The following ROBO2 variants were observed in gnomAD, a reference collection of about 807,000 sequenced individuals.
The protein encoded by ROBO2 is roundabout guidance receptor 2.
In ROBO2, 53 loss-of-function variants were observed where a neutral mutation model predicts 160.8. The ratio of observed to expected loss-of-function variants is 0.33; its 90% confidence interval spans 0.26 to 0.41. The LOEUF is 0.41. Among genes scored for constraint, ROBO2 ranks in the 10% least tolerant of loss-of-function variants. The probability of loss-of-function intolerance (pLI) is 1.00; values close to 1 mark genes in which losing one functional copy is unlikely to be tolerated. For synonymous variants in ROBO2, 664 were observed against 611.7 expected, an observed-to-expected ratio of 1.09 and a Z score of -1.26; for missense variants, 1,577 against 1,722.4, an observed-to-expected ratio of 0.92 and a Z score of 1.49.
chr3:77,501,114 G>T (rs11921637), intron 5 of ROBO2, among the ~76,000 whole-genome samples: 4,732 of 152,188 alleles, frequency 0.031, 238 homozygotes, highest in African/African-American at 0.11. Flanking sequence ...TCAAAGTGTG[G>T]TTGTTAGAGC....
chr3:76,529,394 G>A (rs2108025672), intron 2 of ROBO2, among the ~76,000 whole-genome samples: 1 of 152,146 alleles, frequency 6.6e-6, no homozygotes, highest in Non-Finnish European at 1.5e-5. Context: ...TAAGTGAGAG[G>A]CAATGATGGT....
intron 2 of ROBO2, among the ~76,000 whole-genome samples, chr3:76,466,971 TA>T (rs1436143171): frequency 6.6e-6 from 1 of 152,066 alleles, no homozygotes; most frequent in Non-Finnish European, 1.5e-5. Flanking sequence ...GATGACATTT[TA>T]ATAGATAAAA....
chr3:76,973,120 G>A (rs1179179796), intron 2 of ROBO2, among the ~76,000 whole-genome samples: 2 of 152,164 alleles, frequency 1.3e-5, no homozygotes, highest in African/African-American at 2.4e-5. Context: ...GGCCCCAGAA[G>A]GAAGATAAGC....
rs116075601 is a variant in ROBO2, at chr3:77,163,258, A to G, written c.388+64918A>G. ...GTCTATCAGCTTTTAAAATGTATAT[A>G]GTTAAAGGATTCCTCTTGCCATCTA... On this transcript the variant is annotated intron_variant, in intron 2 of 25. Transcript: ENST00000461745. 7.5e-3 allele frequency among the ~76,000 whole-genome samples: 1,136 copies of G among 152,372 alleles called. 8 individuals are homozygous for G. Among genetic ancestry groups the G allele is most frequent in the South Asian group, 0.027 (130 of 4,834 alleles).
rs575546392 is a variant in ROBO2, at chr3:76,214,620, C to T, written c.109+277018C>T. On this transcript the variant is annotated intron_variant, in intron 2 of 26. Coordinates refer to the ROBO2 transcript ENST00000487694. The stretch of plus-strand genomic sequence containing the variant: ...GGCAGCAGCAAGGCTGGGGGAAGGG[C>T]GTCCGCCATTGCTGAGGCTTGAGTA... Among the ~76,000 whole-genome samples the T allele has an allele frequency of 2.9e-3, 440 of 152,300 alleles. 2 individuals carry two copies. The highest frequency in any genetic ancestry group is 0.01 in the African/African-American group (421 of 41,560).
intron 2 of ROBO2, among the ~76,000 whole-genome samples, chr3:77,476,026 C>CA (rs2083953395): frequency 6.6e-6 from 1 of 152,116 alleles, no homozygotes; most frequent in African/African-American, 2.4e-5. Context: ...CAATAAGAGA[C>CA]AAGGTGCTCT....
At chr3:75,986,152 C>T (rs1258307182) in intron 2 of ROBO2, among the ~76,000 whole-genome samples, 1 of 151,578 alleles carries the variant, frequency 6.6e-6, no homozygotes, top group African/African-American at 2.4e-5. Flanking sequence ...TTTACATCCT[C>T]ACCAACAGTG....
chr3:76,867,831 C>G (rs1255912110), intron 2 of ROBO2, among the ~76,000 whole-genome samples: 1 of 152,128 alleles, frequency 6.6e-6, no homozygotes, highest in East Asian at 1.9e-4. Context: ...TAAGAGAGAA[C>G]ATTGTTTTCT....
chr3:76,384,850 TA>T (rs2076805154), intron 2 of ROBO2, among the ~76,000 whole-genome samples: 1 of 152,176 alleles, frequency 6.6e-6, no homozygotes, highest in Non-Finnish European at 1.5e-5. Context: ...ACGTGAGGAT[TA>T]GGGGAACTAC....
intron 2 of ROBO2, among the ~76,000 whole-genome samples, chr3:77,392,375 G>A (rs2074825402): frequency 6.6e-6 from 1 of 152,196 alleles, no homozygotes; most frequent in Non-Finnish European, 1.5e-5. Context: ...AGCTGCAACG[G>A]CAACCCTGCA....
At chr3:76,208,200 C>T (rs1348535381) in intron 2 of ROBO2, among the ~76,000 whole-genome samples, 2 of 152,074 alleles carry the variant, frequency 1.3e-5, no homozygotes, top group Non-Finnish European at 2.9e-5. Flanking sequence ...ATCACCCAGT[C>T]TCAGGTATTT....
At chr3:77,440,796 C>A (rs1035508512) in intron 2 of ROBO2, among the ~76,000 whole-genome samples, 34 of 152,080 alleles carry the variant, frequency 2.2e-4, no homozygotes, top group Non-Finnish European at 4.1e-4. Context: ...TTGCTACATT[C>A]TTTTTCCATT....
chr3:76,362,637 A>C (rs17790497), intron 2 of ROBO2, among the ~76,000 whole-genome samples: 2 of 151,918 alleles, frequency 1.3e-5, no homozygotes, highest in Admixed American at 6.6e-5. Context: ...AGCATATTCT[A>C]CATCGAAAAT....
chr3:76,165,178 T>C (rs1376919356), intron 2 of ROBO2, among the ~76,000 whole-genome samples: 4 of 152,174 alleles, frequency 2.6e-5, no homozygotes, highest in East Asian at 3.9e-4. Flanking sequence ...TTTGTCTCCA[T>C]TGAAAAGCTG....
At chr3:76,874,788 G>T (rs975226046) in intron 2 of ROBO2, among the ~76,000 whole-genome samples, 1 of 152,062 alleles carries the variant, frequency 6.6e-6, no homozygotes, top group African/African-American at 2.4e-5. Context: ...GCAAAAAGAG[G>T]GTGCCAGACC....
chr3:77,030,201 C>T (rs931396586), intron 2 of ROBO2, among the ~76,000 whole-genome samples: 3 of 152,212 alleles, frequency 2.0e-5, no homozygotes, highest in Non-Finnish European at 2.9e-5. Context: ...GCCTCGGCCT[C>T]CCAGAGTGCT....
intron 2 of ROBO2, among the ~76,000 whole-genome samples, chr3:77,174,130 G>A (rs2079904861): frequency 6.6e-6 from 1 of 152,018 alleles, no homozygotes; most frequent in African/African-American, 2.4e-5. Flanking sequence ...CCCCAGTTAG[G>A]TTGTGCAGAT....
At chr3:76,646,651 A>C (rs1201792347) in intron 2 of ROBO2, among the ~76,000 whole-genome samples, 1 of 152,180 alleles carries the variant, frequency 6.6e-6, no homozygotes, top group Non-Finnish European at 1.5e-5. Flanking sequence ...GAAAGTTTCC[A>C]TGATATACAT....
At chr3:76,802,608 G>C (rs1426780585) in intron 2 of ROBO2, among the ~76,000 whole-genome samples, 4 of 151,812 alleles carry the variant, frequency 2.6e-5, no homozygotes, top group Admixed American at 6.6e-5. Flanking sequence ...GGCACCTGTA[G>C]TCCCAGCTAC....
Sources: allele counts gnomAD v4.1 joint callset (sites outside exome capture counted in the v4.1 genomes callset), GRCh38; gene constraint gnomAD v4.1.1; transcripts MANE v1.5; gene names NCBI Gene and HGNC (gene_info 2026-07-23, HGNC 2026-07-21).